The following SLC25A28 variants were observed in gnomAD, a reference collection of about 807,000 sequenced individuals.
SLC25A28 encodes solute carrier family 25 member 28.
In SLC25A28, 10 loss-of-function variants were observed where a neutral mutation model predicts 31.9. The observed-to-expected ratio is 0.31, with a 90% confidence interval of 0.19 to 0.53. SLC25A28 has a LOEUF of 0.53. Among genes scored for constraint, SLC25A28 ranks in the 20% least tolerant of loss-of-function variants. The pLI, the probability that SLC25A28 is intolerant of heterozygous loss-of-function variation, is 0.95. For missense variants in SLC25A28, 256 were observed against 490.3 expected (o/e 0.52, Z 4.51); for synonymous variants, 208 against 203.6 (o/e 1.02, Z -0.19).
chr10:99,620,440 G>C (rs1439297163), upstream of SLC25A28: 16 of 1,042,798 alleles, frequency 1.5e-5, no homozygotes, highest in African/African-American at 1.7e-5. Context: ...CAGAGAGCCC[G>C]GGGCCTCCGG....
chr10:99,659,229 C>G, the SLC25A28 span, among the ~76,000 whole-genome samples: 14 of 152,326 alleles, frequency 9.2e-5, no homozygotes, highest in South Asian at 2.9e-3. The surrounding 1 kb of genome is among the most constrained non-coding windows in gnomAD (Gnocchi z 4.1). Flanking sequence ...GGCACAGGGC[C>G]GCCCAGCGCC....
the SLC25A28 span, among the ~76,000 whole-genome samples, chr10:99,643,835 T>A: frequency 6.6e-6 from 1 of 152,236 alleles, no homozygotes; most frequent in Non-Finnish European, 1.5e-5. Flanking sequence ...CCAGTAGTCA[T>A]TCAGGAGCAG....
chr10:99,657,461 A>G, the SLC25A28 span, among the ~76,000 whole-genome samples: 1 of 152,210 alleles, frequency 6.6e-6, no homozygotes, highest in Admixed American at 6.5e-5. Flanking sequence ...GGGTCCAGAT[A>G]AAATATAACA....
At chr10:99,656,770 G>A in the SLC25A28 span, among the ~76,000 whole-genome samples, 1 of 152,244 alleles carries the variant, frequency 6.6e-6, no homozygotes, top group Non-Finnish European at 1.5e-5. Context: ...TTAAAGAGCA[G>A]TTAAAAACCT....
At chr10:99,633,110 G>A in the SLC25A28 span, among the ~76,000 whole-genome samples, 1 of 151,918 alleles carries the variant, frequency 6.6e-6, no homozygotes, top group African/African-American at 2.4e-5. Flanking sequence ...CAGTTATGAA[G>A]GCAGCAAACA....
the SLC25A28 span, among the ~76,000 whole-genome samples, chr10:99,649,984 G>A: frequency 1.3e-5 from 2 of 151,988 alleles, no homozygotes; most frequent in East Asian, 3.9e-4. Flanking sequence ...CTAACTTTGG[G>A]TTTGGTTTGT....
the SLC25A28 span, among the ~76,000 whole-genome samples, chr10:99,645,249 G>A: frequency 6.6e-6 from 1 of 152,230 alleles, no homozygotes; most frequent in African/African-American, 2.4e-5. Context: ...GGCTTTGTTA[G>A]TGGCTTTTTA....
upstream of SLC25A28, chr10:99,620,764 G>C (rs2034773546): frequency 1.0e-6 from 1 of 985,348 alleles, no homozygotes; most frequent in Non-Finnish European, 1.2e-6. Context: ...CGCGGCCATT[G>C]GCCCGCACCA....
intron 1 of SLC25A28, among the ~76,000 whole-genome samples, chr10:99,619,610 G>A (rs1457215912): frequency 6.6e-6 from 1 of 152,218 alleles, no homozygotes; most frequent in Admixed American, 6.5e-5. Context: ...AGTAAGGGAA[G>A]ATACAGCAAG....
the SLC25A28 span, among the ~76,000 whole-genome samples, chr10:99,632,445 C>A: frequency 6.6e-6 from 1 of 152,062 alleles, no homozygotes. Flanking sequence ...CTGTACTTCA[C>A]TGGATTGTTT....
chr10:99,636,906 T>G, the SLC25A28 span, among the ~76,000 whole-genome samples: 1 of 152,086 alleles, frequency 6.6e-6, no homozygotes, highest in South Asian at 2.1e-4. Context: ...TTCCACAAGA[T>G]AGAGAAAGAG....
At chr10:99,643,111 C>A in the SLC25A28 span, among the ~76,000 whole-genome samples, 1 of 152,064 alleles carries the variant, frequency 6.6e-6, no homozygotes, top group African/African-American at 2.4e-5. Context: ...CCCTCTTTTT[C>A]TATTGATTGG....
At chr10:99,629,226 G>T in the SLC25A28 span, among the ~76,000 whole-genome samples, 5 of 152,112 alleles carry the variant, frequency 3.3e-5, no homozygotes, top group African/African-American at 1.2e-4. Flanking sequence ...GTTAAAAAGA[G>T]CCTGGCACCT....
At chr10:99,652,137 C>T in the SLC25A28 span, 2 of 152,178 alleles carry the variant, frequency 1.3e-5, no homozygotes, top group African/African-American at 4.8e-5. Context: ...GCGTTCTTAT[C>T]ATGTGTGTAC....
the SLC25A28 span, among the ~76,000 whole-genome samples, chr10:99,631,462 T>G: frequency 6.6e-6 from 1 of 152,158 alleles, no homozygotes; most frequent in South Asian, 2.1e-4. Flanking sequence ...TTTTAAATTT[T>G]TATTTATTTT....
intron 1 of SLC25A28, chr10:99,619,301 T>G (rs1194773053): frequency 2.0e-6 from 2 of 985,292 alleles, no homozygotes; most frequent in African/African-American, 3.5e-5. Flanking sequence ...TTTGCCAACT[T>G]CAGGTGGCCA....
the SLC25A28 span, among the ~76,000 whole-genome samples, chr10:99,647,174 T>C: frequency 1.3e-5 from 2 of 152,246 alleles, no homozygotes; most frequent in Admixed American, 6.5e-5. Flanking sequence ...TTTGGATATA[T>C]ACGCATTGGT....
chr10:99,643,514 C>T, the SLC25A28 span, among the ~76,000 whole-genome samples: 1 of 152,152 alleles, frequency 6.6e-6, no homozygotes, highest in Non-Finnish European at 1.5e-5. Flanking sequence ...TTTCAAAAAA[C>T]CAGCTCCTGG....
At chr10:99,618,331 T>C in intron 1 of SLC25A28, 1 of 985,076 alleles carries the variant, frequency 1.0e-6, no homozygotes, top group South Asian at 4.7e-5. Context: ...ATTATTACAC[T>C]GTATTTTTCA....
Sources: gnomAD v4.1 joint callset for allele counts (sites outside exome capture counted in the v4.1 genomes callset) on GRCh38, gnomAD v4.1.1 for gene constraint, Gnocchi (gnomAD v3.1) non-coding constraint, MANE v1.5 for transcripts, NCBI Gene and HGNC (gene_info 2026-07-23, HGNC 2026-07-21) for gene names.